PATE4: variants seen among roughly 807,000 people sequenced by gnomAD.
PATE4 encodes the protein prostate and testis expressed 4.
PATE4 carries 13 observed loss-of-function variants against 8.5 expected under a neutral mutation model. The observed-to-expected ratio is 1.53, with a 90% confidence interval of 1.00 to 2.43. The LOEUF is 2.43. PATE4 is among the 30% of genes most tolerant of loss of function. The pLI is 0.00. For synonymous variants in PATE4, 47 were observed against 39.3 expected (o/e 1.20, Z -0.73); for missense variants, 127 against 115.5 (o/e 1.10, Z -0.46).
chr11:125,837,994 G>A lies in PATE4; in HGVS notation c.175+10G>A, dbSNP rs369841637. ...ACAGCCTATTTCAGGGGTAAGTGGGGCTCATGAAGACTCCAAAATTGCCTG... is the reference window on the plus strand; with the variant it reads ...ACAGCCTATTTCAGGGGTAAGTGGGACTCATGAAGACTCCAAAATTGCCTG... On this transcript the variant is annotated intron_variant, in intron 2 of 2. Transcript: ENST00000457514. 751 of 1,542,362 alleles carry A rather than the reference G, an allele frequency of 4.9e-4. No individual in the cohort carries two copies. Among genetic ancestry groups the A allele is most frequent in the Non-Finnish European group, 5.3e-4 (606 of 1,138,806 alleles).
At chr11:125,836,066 C>G (rs1365586871) in intron 1 of PATE4, among the ~76,000 whole-genome samples, 1 of 151,120 alleles carries the variant, frequency 6.6e-6, no homozygotes, top group African/African-American at 2.4e-5. Flanking sequence ...TTGCATGGCA[C>G]TCAATGCATA....
chr11:125,833,357 C>T lies in PATE4; in HGVS notation c.-3C>T. The stretch of plus-strand genomic sequence containing the variant: ...CACCGTCTGTCACCCAAACAAGCAT[C>T]CAATGAGGAAAATGAACACACTGCT... On this transcript the variant is annotated 5_prime_UTR_variant, in exon 1 of 3. Coordinates refer to ENST00000457514, the MANE Select transcript of PATE4 (RefSeq NM_001144874.1). 1.3e-6 allele frequency: 2 copies of T among 1,551,444 alleles called. No homozygotes were observed. Among genetic ancestry groups the T allele is most frequent in the Non-Finnish European group, 1.7e-6 (2 of 1,146,854 alleles).
chr11:125,838,569 T>C lies in PATE4; in HGVS notation c.*142T>C, dbSNP rs1424294138. On this transcript the variant is annotated 3_prime_UTR_variant, in exon 3 of 3. Coordinates refer to ENST00000457514, the MANE Select transcript of PATE4 (RefSeq NM_001144874.1). ...GCTGCAGGGGCTGTCCTCATTGCAA[T>C]GAAGGGGCTCCCCACACCCCACCTC... 1.0e-6 allele frequency: 1 copy of C among 993,206 alleles called. No homozygotes were observed. The highest frequency in any genetic ancestry group is 1.4e-6 in the Non-Finnish European group (1 of 724,696). The allele number at this position is 993,206 out of a possible 1,614,324, so 61.5% of individuals were successfully genotyped here.
chr11:125,834,437 T>C lies in PATE4; in HGVS notation c.58+1020T>C, dbSNP rs190002612. On this transcript the variant is annotated intron_variant, in intron 1 of 2. Transcript: ENST00000457514. ...TGGCTATTAAACATATAAAAAGTGC[T>C]CAATCTCACTCATACTAAGAAAAAT... Among the ~76,000 whole-genome samples the C allele has an allele frequency of 5.5e-3, 843 of 152,306 alleles. 3 individuals carry two copies. Among genetic ancestry groups the C allele is most frequent in the Non-Finnish European group, 9.0e-3 (615 of 67,994 alleles).
intron 2 of PATE4, 42 bp downstream of exon 2, chr11:125,838,026 A>G (rs1300826905): frequency 2.1e-6 from 3 of 1,410,380 alleles, no homozygotes; most frequent in Middle Eastern, 1.7e-4. Context: ...CCTGCAAAGA[A>G]CCATCACTCT....
chr11:125,835,946 G>A (rs1163569297), intron 1 of PATE4: 2 of 152,164 alleles, frequency 1.3e-5, no homozygotes, highest in African/African-American at 4.8e-5. Flanking sequence ...CCTGAGCTAT[G>A]TGTCTGTGCA....
chr11:125,833,566 C>T, intron 1 of PATE4, 149 bp downstream of exon 1: 2 of 668,856 alleles, frequency 3.0e-6, no homozygotes, highest in South Asian at 5.2e-5. Context: ...TCATATATAA[C>T]ACACTAATCC....
chr11:125,837,746 AATACCAGCTAATGGAGTGAGTGGACAGT>A (rs1321532554), intron 1 of PATE4, 94 bp from the exon 2 acceptor site: 2 of 610,976 alleles, frequency 3.3e-6, no homozygotes, highest in African/African-American at 3.7e-5. Flanking sequence ...GAATTCCACA[AATACCAGCTAATGGAGTGAGTGGACAGT>A]ATCGTCAATA....
rs1177758737 is a variant in PATE4 at position 125,838,894 on chromosome 11, AAAG to A, written c.*472_*474del. ...AGATGCAAGTAAAGGGAGATATGAC[AAAG>A]AAGAGGAAAAGATGATGTGATAATG... On this transcript the variant is annotated 3_prime_UTR_variant, in exon 3 of 3. Coordinates refer to ENST00000457514, the MANE Select transcript of PATE4 (RefSeq NM_001144874.1). 3.3e-5 allele frequency: 5 copies of A among 152,894 alleles called. No individual in the cohort carries two copies. Among genetic ancestry groups the A allele is most frequent in the African/African-American group, 1.2e-4 (5 of 41,462 alleles). The allele number at this position is 152,894 out of a possible 1,614,324, so 9.5% of individuals were successfully genotyped here. A position where few individuals can be genotyped will look rare whatever the true frequency, so the allele number is the denominator to read the frequency against.
intron 2 of PATE4, 108 bp downstream of exon 2, chr11:125,838,092 C>A: frequency 9.6e-7 from 1 of 1,042,376 alleles, no homozygotes; most frequent in Non-Finnish European, 1.4e-6. Flanking sequence ...GGAGGTAAGG[C>A]AAGGAATAAA....
intron 1 of PATE4, among the ~76,000 whole-genome samples, chr11:125,836,328 A>C (rs1943919664): frequency 6.6e-6 from 1 of 152,068 alleles, no homozygotes; most frequent in Admixed American, 6.6e-5. Context: ...CCTTGCTTAA[A>C]ATTTTTCGAT....
At chr11:125,834,819 G>C (rs1943908722) in intron 1 of PATE4, among the ~76,000 whole-genome samples, 1 of 151,974 alleles carries the variant, frequency 6.6e-6, no homozygotes, top group African/African-American at 2.4e-5. Flanking sequence ...CACTACAGTG[G>C]AATACTATAC....
rs1333583987 is a variant in PATE4, at chr11:125,838,787, G to A, written c.*360G>A. On this transcript the variant is annotated 3_prime_UTR_variant, in exon 3 of 3. Transcript: ENST00000457514. ...ACATGGCAAAAGGGACTTTGAAAAT[G>A]TGATTAAGGATCTTGAGAAGGGGAG... The A allele has an allele frequency of 5.3e-6, 1 of 188,718 alleles. No individual in the cohort carries two copies. The highest frequency in any genetic ancestry group is 1.3e-4 in the East Asian group (1 of 7,512). 11.7% of individuals were successfully genotyped at this position (188,718 alleles called of 1,614,324 possible). A position where few individuals can be genotyped will look rare whatever the true frequency, so the allele number is the denominator to read the frequency against.
chr11:125,839,795 A>G lies in PATE4; in HGVS notation c.*1368A>G, dbSNP rs1451716057. The G allele has an allele frequency of 1.3e-5, 2 of 152,072 alleles. No individual in the cohort carries two copies. The highest frequency in any genetic ancestry group is 3.9e-4 in the East Asian group (2 of 5,192). The allele number at this position is 152,072 out of a possible 1,614,324, so 9.4% of individuals were successfully genotyped here. On this transcript the variant is annotated 3_prime_UTR_variant, in exon 3 of 3. Coordinates refer to ENST00000457514, the MANE Select transcript of PATE4 (RefSeq NM_001144874.1). ...AGGAAAAACCTGCCCCCATGATTCA[A>G]TTACCTCCCACCGGTCCCTCCCACA...
In PATE4 at chr11:125,839,980, TTTG is replaced by T. The variant is rs1469094597; in HGVS notation, c.*1556_*1558del. ...AGGGTCTCTGGGGACTTTGTTTTGA[TTTG>T]TTATTGTTTTTATATTCAGTCTTTA... On this transcript the variant is annotated 3_prime_UTR_variant, in exon 3 of 3. Coordinates refer to ENST00000457514, the MANE Select transcript of PATE4 (RefSeq NM_001144874.1). 6.6e-5 allele frequency: 10 copies of T among 152,282 alleles called. No individual in the cohort carries two copies. Among genetic ancestry groups the T allele is most frequent in the African/African-American group, 2.4e-4 (10 of 41,554 alleles). The allele number at this position is 152,282 out of a possible 1,614,324, so 9.4% of individuals were successfully genotyped here. A position where few individuals can be genotyped will look rare whatever the true frequency, so the allele number is the denominator to read the frequency against.
intron 1 of PATE4, among the ~76,000 whole-genome samples, chr11:125,834,255 C>T (rs1192204231): frequency 6.6e-6 from 1 of 151,834 alleles, no homozygotes; most frequent in African/African-American, 2.4e-5. Flanking sequence ...CAAAATATTC[C>T]TCATGGCAAA....
chr11:125,839,176 A>C lies in PATE4; in HGVS notation c.*749A>C, dbSNP rs1943942235. The C allele has an allele frequency of 6.6e-6, 1 of 152,242 alleles. No individual in the cohort carries two copies. Among genetic ancestry groups the C allele is most frequent in the Non-Finnish European group, 1.5e-5 (1 of 68,038 alleles). The allele number at this position is 152,242 out of a possible 1,614,324, so 9.4% of individuals were successfully genotyped here. ...TAAGCCACTAAGTTTGCAATAATTT[A>C]TTATAGCAGCAATGGGAAACTAATA... On this transcript the variant is annotated 3_prime_UTR_variant, in exon 3 of 3. Coordinates refer to ENST00000457514, the MANE Select transcript of PATE4 (RefSeq NM_001144874.1).
intron 2 of PATE4, 97 bp from the exon 3 acceptor site, chr11:125,838,209 C>G: frequency 7.5e-7 from 1 of 1,329,316 alleles, no homozygotes. Context: ...GGGAAGGAGA[C>G]CCAGTGTTAA....
At chr11:125,834,277 C>T (rs537308711) in intron 1 of PATE4, among the ~76,000 whole-genome samples, 2 of 152,078 alleles carry the variant, frequency 1.3e-5, no homozygotes, top group South Asian at 2.1e-4. Context: ...ATTAAAAATG[C>T]AACTCACATC....
Sources: allele counts gnomAD v4.1 joint callset (sites outside exome capture counted in the v4.1 genomes callset), GRCh38; gene constraint gnomAD v4.1.1; transcripts MANE v1.5; gene names NCBI Gene and HGNC (gene_info 2026-07-23, HGNC 2026-07-21).